THSD4: variants seen among roughly 807,000 people sequenced by gnomAD.
THSD4 encodes the protein thrombospondin type 1 domain containing 4, also known as thrombospondin type-1 domain-containing protein 4.
In THSD4, 69 loss-of-function variants were observed where a neutral mutation model predicts 119.0. The observed-to-expected ratio is 0.58, with a 90% confidence interval of 0.48 to 0.71. The LOEUF (loss-of-function observed/expected upper bound fraction) is 0.71, where lower values mean the gene tolerates loss of function less well. Ranked by LOEUF, THSD4 falls within the 30% of genes least tolerant of loss-of-function variation. The pLI is 0.00. For synonymous variants in THSD4, 524 were observed against 540.4 expected, an observed-to-expected ratio of 0.97 and a Z score of 0.42; for missense variants, 1,393 against 1,391.1, an observed-to-expected ratio of 1.00 and a Z score of -0.02.
chr15:71,575,035 G>T (rs192891246), intron 7 of THSD4, among the ~76,000 whole-genome samples: 9 of 152,232 alleles, frequency 5.9e-5, no homozygotes, highest in Non-Finnish European at 1.0e-4. Context: ...ATAGGAAACC[G>T]AACTCATGCA....
chr15:71,239,663 C>A (rs537726436), intron 4 of THSD4, among the ~76,000 whole-genome samples: 1 of 152,348 alleles, frequency 6.6e-6, no homozygotes, highest in East Asian at 1.9e-4. Context: ...AACTACTCAA[C>A]AGCTCCCCTG....
At chr15:71,599,903 G>A (rs1567056188) in intron 7 of THSD4, among the ~76,000 whole-genome samples, 1 of 152,176 alleles carries the variant, frequency 6.6e-6, no homozygotes, top group African/African-American at 2.4e-5. Flanking sequence ...TCCAGCTGCA[G>A]AGCCACAAAT....
intron 6 of THSD4, among the ~76,000 whole-genome samples, chr15:71,263,093 T>G (rs1323190773): frequency 6.6e-6 from 1 of 152,086 alleles, no homozygotes; most frequent in Non-Finnish European, 1.5e-5. Flanking sequence ...CCATTAGTTA[T>G]TTTTCCTGAC....
chr15:71,273,181 C>T (rs1336367845), intron 6 of THSD4, among the ~76,000 whole-genome samples: 1 of 152,150 alleles, frequency 6.6e-6, no homozygotes, highest in Non-Finnish European at 1.5e-5. Context: ...AAAATGTGGT[C>T]TGTGTACATG....
At chr15:71,372,128 A>G (rs1050407203) in intron 6 of THSD4, among the ~76,000 whole-genome samples, 1 of 152,204 alleles carries the variant, frequency 6.6e-6, no homozygotes, top group Non-Finnish European at 1.5e-5. Context: ...TTTCAGCTCC[A>G]TCAGGTCATT....
intron 3 of THSD4, among the ~76,000 whole-genome samples, chr15:71,160,488 T>G (rs1457823173): frequency 6.6e-6 from 1 of 152,040 alleles, no homozygotes; most frequent in African/African-American, 2.4e-5. Flanking sequence ...CTGATTCAAC[T>G]TCCTTATATG....
At chr15:71,594,664 A>G (rs1331489521) in intron 7 of THSD4, among the ~76,000 whole-genome samples, 1 of 152,202 alleles carries the variant, frequency 6.6e-6, no homozygotes, top group African/African-American at 2.4e-5. Context: ...GACATGGGAA[A>G]GCTGTGCTCC....
chr15:71,736,521 C>T (rs969385403), intron 10 of THSD4, among the ~76,000 whole-genome samples: 24 of 151,888 alleles, frequency 1.6e-4, no homozygotes, highest in African/African-American at 5.6e-4. Context: ...CTATCTGTGT[C>T]TCTGTCTCTC....
chr15:71,724,287 A>ATATATATATATATTT lies in THSD4; in HGVS notation c.1358-4261_1358-4260insATATATATATATTTT. Among the ~76,000 whole-genome samples, 28 of 37,278 alleles carry ATATATATATATATTT rather than the reference A, an allele frequency of 7.5e-4. 1 individual carries two copies. The highest frequency in any genetic ancestry group is 3.5e-3 in the East Asian group (2 of 568). The allele number at this position is 37,278 out of a possible 152,430, so 24.5% of individuals were successfully genotyped here. A position where few individuals can be genotyped will look rare whatever the true frequency, so the allele number is the denominator to read the frequency against. On this transcript the variant is annotated intron_variant, in intron 8 of 17. Transcript: ENST00000261862. ...ATGGGATATATATATATATATATAT[A>ATATATATATATATTT]TTTTTTTTTTCCCCCCAAGATGGAA...
intron 5 of THSD4, among the ~76,000 whole-genome samples, chr15:71,252,542 T>A (rs1250491903): frequency 6.6e-6 from 1 of 152,246 alleles, no homozygotes; most frequent in Middle Eastern, 3.2e-3. Context: ...CTTTGGCCTC[T>A]AGCCCTATCC....
intron 6 of THSD4, among the ~76,000 whole-genome samples, chr15:71,340,270 G>A (rs80019518): frequency 0.01 from 1,574 of 152,244 alleles, 42 homozygotes; most frequent in Admixed American, 0.054. Flanking sequence ...TGGGTCTCTC[G>A]TCCCCATTTC....
At chr15:71,583,098 T>C (rs1055841788) in intron 7 of THSD4, among the ~76,000 whole-genome samples, 1 of 152,186 alleles carries the variant, frequency 6.6e-6, no homozygotes, top group Non-Finnish European at 1.5e-5. Flanking sequence ...TCTATCTCTT[T>C]ACTTATCATT....
At chr15:71,243,474 G>A (rs1231777851) in intron 5 of THSD4, among the ~76,000 whole-genome samples, 5 of 152,256 alleles carry the variant, frequency 3.3e-5, no homozygotes, top group South Asian at 4.1e-4. Flanking sequence ...TATTCCAGGT[G>A]TAAACACTAG....
chr15:71,782,628 G>A lies in THSD4; in HGVS notation c.*5254G>A, dbSNP rs1310763198. The stretch of plus-strand genomic sequence containing the variant: ...TCATACTAACCCAGCCTCCTGGAAT[G>A]TCGCTGTACGATGATTGATGTCTTT... On this transcript the variant is annotated 3_prime_UTR_variant, in exon 18 of 18. Transcript: ENST00000261862. 1 of 152,230 alleles carries A rather than the reference G, an allele frequency of 6.6e-6. No homozygotes were observed. Among genetic ancestry groups the A allele is most frequent in the Non-Finnish European group, 1.5e-5 (1 of 68,042 alleles). 9.4% of individuals were successfully genotyped at this position (152,230 alleles called of 1,614,324 possible). A position where few individuals can be genotyped will look rare whatever the true frequency, so the allele number is the denominator to read the frequency against.
At chr15:71,437,109 A>G (rs1242968428) in intron 7 of THSD4, among the ~76,000 whole-genome samples, 2 of 134,956 alleles carry the variant, frequency 1.5e-5, no homozygotes, top group Non-Finnish European at 3.3e-5. Flanking sequence ...GCTTACAATT[A>G]TGGTGGAAGG....
At chr15:71,502,118 A>T (rs2048121019) in intron 7 of THSD4, among the ~76,000 whole-genome samples, 1 of 152,242 alleles carries the variant, frequency 6.6e-6, no homozygotes, top group East Asian at 1.9e-4. Context: ...CATTTGTGGG[A>T]ACTGGACCTT....
intron 3 of THSD4, among the ~76,000 whole-genome samples, chr15:71,199,679 T>TGTGTGATGTGTG (rs754839971): frequency 9.4e-4 from 62 of 65,850 alleles, no homozygotes; most frequent in South Asian, 2.3e-3. Flanking sequence ...GTGGAGGGTG[T>TGTGTGATGTGTG]GTGTGTGTGT....
intron 7 of THSD4, among the ~76,000 whole-genome samples, chr15:71,626,058 C>T (rs918822960): frequency 6.6e-6 from 1 of 152,170 alleles, no homozygotes; most frequent in East Asian, 1.9e-4. Context: ...AGATCTTATA[C>T]AGTGTTTGTG....
chr15:71,500,270 G>A (rs1448090557), intron 7 of THSD4, among the ~76,000 whole-genome samples: 1 of 152,036 alleles, frequency 6.6e-6, no homozygotes, highest in Non-Finnish European at 1.5e-5. Context: ...TTGGCCATTT[G>A]TATATGGTCT....
Sources: gnomAD v4.1 joint callset for allele counts (sites outside exome capture counted in the v4.1 genomes callset) on GRCh38, gnomAD v4.1.1 for gene constraint, MANE v1.5 for transcripts, NCBI Gene and HGNC (gene_info 2026-07-23, HGNC 2026-07-21) for gene names.